CWC27: variants seen among roughly 807,000 people sequenced by gnomAD.
CWC27 encodes CWC27 spliceosome associated cyclophilin.
A neutral mutation model predicts 63.6 loss-of-function variants in CWC27; 47 were observed. The observed-to-expected ratio is 0.74, with a 90% CI of 0.58 to 0.94. CWC27 has a LOEUF of 0.94. Ranked by LOEUF, CWC27 falls within the 40% of genes least tolerant of loss-of-function variation. The probability of loss-of-function intolerance (pLI) is 0.00; values close to 1 mark genes in which losing one functional copy is unlikely to be tolerated. For missense variants in CWC27, 495 were observed against 554.3 expected (o/e 0.89, Z 1.07); for synonymous variants, 175 against 179.8 (o/e 0.97, Z 0.22).
chr5:65,017,049 C>T (rs571125792), intron 13 of CWC27, among the ~76,000 whole-genome samples: 22 of 152,200 alleles, frequency 1.4e-4, no homozygotes, highest in Admixed American at 1.4e-3. Context: ...TCGCCGGGCA[C>T]GGTGGCTCAC....
At chr5:64,962,332 A>T (rs1748927614) in intron 11 of CWC27, among the ~76,000 whole-genome samples, 1 of 152,262 alleles carries the variant, frequency 6.6e-6, no homozygotes, top group Non-Finnish European at 1.5e-5. Context: ...AAAGAAAAGG[A>T]AAATCATAAG....
intron 12 of CWC27, among the ~76,000 whole-genome samples, chr5:64,975,401 G>A (rs1345223031): frequency 1.3e-5 from 2 of 151,996 alleles, no homozygotes; most frequent in African/African-American, 2.4e-5. Flanking sequence ...TGAAATGTGA[G>A]GATTTCAGTA....
At chr5:64,811,968 T>C (rs1171837026) in intron 10 of CWC27, among the ~76,000 whole-genome samples, 2 of 152,006 alleles carry the variant, frequency 1.3e-5, no homozygotes, top group Admixed American at 6.6e-5. Context: ...GGAATTCTTA[T>C]GGAACTTTGG....
intron 11 of CWC27, among the ~76,000 whole-genome samples, chr5:64,921,691 C>T (rs1748001728): frequency 6.6e-6 from 1 of 152,076 alleles, no homozygotes. Context: ...GGATTTGATC[C>T]TCTCATCATG....
At chr5:64,907,877 C>G (rs6893632) in intron 11 of CWC27, among the ~76,000 whole-genome samples, 68 of 152,138 alleles carry the variant, frequency 4.5e-4, no homozygotes, top group African/African-American at 1.6e-3. Context: ...TTTTGTGTCT[C>G]CATCTCCTTC....
intron 12 of CWC27, among the ~76,000 whole-genome samples, chr5:64,972,115 A>G (rs1749138124): frequency 6.6e-6 from 1 of 152,152 alleles, no homozygotes; most frequent in African/African-American, 2.4e-5. Flanking sequence ...ACCTCTGTGT[A>G]GTGAATATTA....
In CWC27 at chr5:64,779,410, G is replaced by C. The variant is rs2061451; in HGVS notation, c.140-2511G>C. On this transcript the variant is annotated intron_variant, in intron 2 of 13. Transcript: ENST00000381070. ...AAAAATAATAGCTTTTGTTTATTCA[G>C]TACTTCATACTACATATGTTTTCCT... Among the ~76,000 whole-genome samples, 610 of 152,204 alleles carry C rather than the reference G, an allele frequency of 4.0e-3. 5 individuals are homozygous for C. Among genetic ancestry groups the C allele is most frequent in the Middle Eastern group, 0.027 (8 of 294 alleles).
chr5:64,960,074 CCCT>C (rs1748878512), intron 11 of CWC27, among the ~76,000 whole-genome samples: 1 of 151,924 alleles, frequency 6.6e-6, no homozygotes. Context: ...CTTTTTTTTC[CCCT>C]CATTATCCAT....
chr5:64,786,560 G>T lies in CWC27; in HGVS notation c.532G>T (p.Glu178Ter). 1 of 1,588,980 alleles carries T rather than the reference G, an allele frequency of 6.3e-7. No individual in the cohort carries two copies. Among genetic ancestry groups the T allele is most frequent in the Non-Finnish European group, 8.5e-7 (1 of 1,170,066 alleles). ...FNPFDDIIPR[E>*]IKRLKKEKPE... ...TCCTTTTGATGACATCATTCCAAGG[G>T]AAATTAAAAGGCTGAAAAAAGAGAA... is the stretch of plus-strand genomic sequence containing the variant. Residue 178 changes from glutamate (E) to a stop codon, truncating the protein, a stop_gained, in exon 6 of 14, where the codon GAA becomes TAA. Transcript: ENST00000381070. LOFTEE classifies it high-confidence loss of function.
intron 6 of CWC27, among the ~76,000 whole-genome samples, chr5:64,787,936 G>A (rs1214900909): frequency 6.6e-6 from 1 of 152,018 alleles, no homozygotes. Flanking sequence ...AATGAGAAGA[G>A]GTATGTTAAA....
intron 13 of CWC27, among the ~76,000 whole-genome samples, chr5:65,007,228 A>C (rs1300710730): frequency 6.6e-6 from 1 of 152,234 alleles, no homozygotes. Flanking sequence ...GTTGAATTGC[A>C]GCCCTGTGAC....
At chr5:64,879,899 C>G (rs951312014) in intron 10 of CWC27, among the ~76,000 whole-genome samples, 2 of 151,888 alleles carry the variant, frequency 1.3e-5, no homozygotes. Flanking sequence ...CTTTTCTCAG[C>G]TCTATCTTTC....
intron 13 of CWC27, among the ~76,000 whole-genome samples, chr5:65,017,931 G>A (rs905863567): frequency 1.3e-5 from 2 of 152,206 alleles, no homozygotes; most frequent in African/African-American, 4.8e-5. Context: ...GAGGCAAAGA[G>A]ACTCTCTACT....
intron 10 of CWC27, among the ~76,000 whole-genome samples, chr5:64,816,375 TA>T (rs1745030665): frequency 6.6e-6 from 1 of 152,194 alleles, no homozygotes. Context: ...CATGGCTGCT[TA>T]ACTGAAACAC....
intron 11 of CWC27, among the ~76,000 whole-genome samples, chr5:64,886,560 A>G (rs939519503): frequency 6.6e-6 from 1 of 152,146 alleles, no homozygotes; most frequent in African/African-American, 2.4e-5. Context: ...TAAAGACTAC[A>G]CATTCTAATA....
chr5:64,779,548 T>C (rs1019695526), intron 2 of CWC27, among the ~76,000 whole-genome samples: 3 of 152,210 alleles, frequency 2.0e-5, no homozygotes, highest in Non-Finnish European at 2.9e-5. Flanking sequence ...AAAATAGAAC[T>C]AACCATTTTA....
At chr5:64,784,482 A>G (rs988804118) in intron 4 of CWC27, among the ~76,000 whole-genome samples, 28 of 152,180 alleles carry the variant, frequency 1.8e-4, no homozygotes, top group African/African-American at 6.5e-4. Flanking sequence ...ATTTTTAACA[A>G]TTCCCTTTAA....
intron 7 of CWC27, among the ~76,000 whole-genome samples, chr5:64,792,600 T>C (rs1744123011): frequency 6.6e-6 from 1 of 152,172 alleles, no homozygotes; most frequent in Admixed American, 6.6e-5. Flanking sequence ...TAAACACATC[T>C]TTTTTGCTTT....
At chr5:64,979,700 A>G (rs1749299098) in intron 13 of CWC27, among the ~76,000 whole-genome samples, 2 of 152,158 alleles carry the variant, frequency 1.3e-5, no homozygotes, top group South Asian at 2.1e-4. Flanking sequence ...TAAGAAGTGA[A>G]AGTCAGCCAT....
Sources: allele counts gnomAD v4.1 joint callset (sites outside exome capture counted in the v4.1 genomes callset), GRCh38; gene constraint gnomAD v4.1.1; transcripts MANE v1.5; gene names NCBI Gene and HGNC (gene_info 2026-07-23, HGNC 2026-07-21).